NUBP1: variants seen among roughly 807,000 people sequenced by gnomAD.
NUBP1 encodes the protein NUBP iron-sulfur cluster assembly factor 1, cytosolic.
A neutral mutation model predicts 41.8 loss-of-function variants in NUBP1; 46 were observed. The ratio of observed to expected loss-of-function variants is 1.10; its 90% CI spans 0.87 to 1.41. NUBP1 has a LOEUF of 1.41. Ranked by LOEUF, NUBP1 falls within the 40% of genes most tolerant of loss-of-function variation. The pLI, the probability that NUBP1 is intolerant of heterozygous loss-of-function variation, is 0.00. For missense variants in NUBP1, 494 were observed against 414.0 expected, an observed-to-expected ratio of 1.19 and a Z score of -1.68; for synonymous variants, 189 against 154.6, an observed-to-expected ratio of 1.22 and a Z score of -1.65.
intron 2 of NUBP1, among the ~76,000 whole-genome samples, chr16:10,744,459 A>C (rs879437087): frequency 2.0e-5 from 3 of 152,238 alleles, no homozygotes; most frequent in Non-Finnish European, 4.4e-5. Flanking sequence ...TGGCTCTGCC[A>C]GCTACTTTCT....
intron 6 of NUBP1, 42 bp downstream of exon 6, chr16:10,756,822 G>C: frequency 6.6e-7 from 1 of 1,518,672 alleles, no homozygotes; most frequent in East Asian, 2.4e-5. Flanking sequence ...ATTCTTCCAC[G>C]AGCGTTGTGG....
chr16:10,769,292 A>C lies in NUBP1; in HGVS notation c.*187A>C. 1 of 566,908 alleles carries C rather than the reference A, an allele frequency of 1.8e-6. No individual in the cohort carries two copies. The highest frequency in any genetic ancestry group is 3.1e-6 in the Non-Finnish European group (1 of 319,284). The allele number at this position is 566,908 out of a possible 1,614,324, so 35.1% of individuals were successfully genotyped here. A position where few individuals can be genotyped will look rare whatever the true frequency, so the allele number is the denominator to read the frequency against. The stretch of plus-strand genomic sequence containing the variant: ...GTATTTGTACACTTTTCTTTAGAAC[A>C]TATATAAAGGGCATTCTCTACAAAT... On this transcript the variant is annotated 3_prime_UTR_variant, in exon 11 of 11. Transcript: ENST00000283027.
At chr16:10,748,092 A>G (rs1458123875) in intron 3 of NUBP1, among the ~76,000 whole-genome samples, 1 of 152,134 alleles carries the variant, frequency 6.6e-6, no homozygotes, top group African/African-American at 2.4e-5. Flanking sequence ...CTGGGACTAC[A>G]GGTGCTTGCC....
chr16:10,744,166 G>C, intron 2 of NUBP1, 101 bp downstream of exon 2: 1 of 1,174,144 alleles, frequency 8.5e-7, no homozygotes, highest in Non-Finnish European at 1.2e-6. Flanking sequence ...GACTGACAGC[G>C]GCAGGCTAGA....
In NUBP1 at chr16:10,768,062, A is replaced by G. The variant is rs1567271055; in HGVS notation, c.904+30A>G. The G allele has an allele frequency of 1.2e-6, 2 of 1,601,588 alleles. No individual in the cohort carries two copies. The highest frequency in any genetic ancestry group is 1.7e-6 in the Non-Finnish European group (2 of 1,169,142). ...GTATTTCCATGAGTACTAAATGCAG[A>G]TGCCTGTGGGGCAGGAAGCAACATA... On this transcript the variant is annotated intron_variant, in intron 10 of 10. Transcript: ENST00000283027. The surrounding 1 kb of genome is among the most constrained non-coding windows in gnomAD (Gnocchi z 4.3).
chr16:10,761,175 G>A (rs1900944045), intron 7 of NUBP1, 189 bp from the exon 8 acceptor site: 1 of 518,658 alleles, frequency 1.9e-6, no homozygotes, highest in East Asian at 3.5e-5. Flanking sequence ...CTGTAGGGAT[G>A]TAGGGATGAT....
chr16:10,762,022 C>T (rs1222666602), intron 9 of NUBP1, 163 bp downstream of exon 9: 10 of 581,976 alleles, frequency 1.7e-5, no homozygotes, highest in East Asian at 5.7e-5. Flanking sequence ...AAGAGGCCAC[C>T]GGGAGAGAGG....
At position 10,761,377 on chromosome 16, in the gene NUBP1, A is replaced by G; in HGVS notation, c.620A>G (p.Gln207Arg). Residue 207 changes from glutamine to arginine, a missense_variant, in exon 8 of 11, where the codon CAG (glutamine) becomes CGG (arginine). Physicochemically the swap from Gln to Arg is conservative, Grantham distance 43. Transcript: ENST00000283027. ...TCACCTTCGTAGGAGGTGTCACTCC[A>G]GGATGTCCGGAAAGAAATCAACTTC... ...IITTPQEVSLQDVRKEINFCR... is the reference protein window; with the variant it reads ...IITTPQEVSLRDVRKEINFCR... 6.2e-7 allele frequency: 1 copy of G among 1,613,988 alleles called. No individual in the cohort carries two copies. The highest frequency in any genetic ancestry group is 8.5e-7 in the Non-Finnish European group (1 of 1,179,896).
rs568375244 is a variant in NUBP1 at position 10,759,037 on chromosome 16, G to A, written c.606+1010G>A. On this transcript the variant is annotated intron_variant, in intron 7 of 10. Coordinates refer to ENST00000283027, the MANE Select transcript of NUBP1 (RefSeq NM_002484.4). This position sits in a 1 kb window ranked among gnomAD's most constrained non-coding sequence, Gnocchi z 4.7. ...GTTACGCCTGACTTCTCTTCATGAC[G>A]TTCTCCTCCACACTTAAGAAAGCCC... Among the ~76,000 whole-genome samples, 12 of 152,280 alleles carry A rather than the reference G, an allele frequency of 7.9e-5. No homozygotes were observed. In the South Asian group the frequency reaches 1.2e-3, roughly 16 times the overall value.
Position 10,759,419 on chromosome 16 carries a change from G to A in NUBP1, c.606+1392G>A, listed in dbSNP as rs567168212. ...GACAGGAGGGAGGATGGCCTGGCCC[G>A]GGTGATGGCAGTGGAGAGAAAGTGT... On this transcript the variant is annotated intron_variant, in intron 7 of 10. Coordinates refer to ENST00000283027, the MANE Select transcript of NUBP1 (RefSeq NM_002484.4). This position sits in a 1 kb window ranked among gnomAD's most constrained non-coding sequence, Gnocchi z 4.7. Among the ~76,000 whole-genome samples, 12 of 152,362 alleles carry A rather than the reference G, an allele frequency of 7.9e-5. No homozygotes were observed. The highest frequency in any genetic ancestry group is 2.1e-4 in the South Asian group (1 of 4,832).
chr16:10,759,233 T>A lies in NUBP1; in HGVS notation c.606+1206T>A, dbSNP rs1245078943. 6.6e-6 allele frequency among the ~76,000 whole-genome samples: 1 copy of A among 152,180 alleles called. No individual in the cohort carries two copies. The highest frequency in any genetic ancestry group is 2.4e-5 in the African/African-American group (1 of 41,426). On this transcript the variant is annotated intron_variant, in intron 7 of 10. Coordinates refer to ENST00000283027, the MANE Select transcript of NUBP1 (RefSeq NM_002484.4). This position sits in a 1 kb window ranked among gnomAD's most constrained non-coding sequence, Gnocchi z 4.7. ...GTGGCTCCCTGAGGAACACAGGTGC[T>A]GGACACAGGGATGAGGGTACAGCCA...
chr16:10,748,962 G>A (rs1330699745), intron 3 of NUBP1, among the ~76,000 whole-genome samples: 2 of 151,878 alleles, frequency 1.3e-5, no homozygotes, highest in African/African-American at 2.4e-5. Context: ...ATGGTGGTAC[G>A]TGCCTGTAGT....
Position 10,758,004 on chromosome 16 carries a change from G to T in NUBP1, c.583G>T (p.Ala195Ser). Reference protein sequence around the residue: ...RYLATAHIDGAVIITTPQEVS... With the variant: ...RYLATAHIDGSVIITTPQEVS... ...CCTGGCCACAGCACACATCGATGGAGCAGTGATCATCACCACTCCCCAGGT... is the reference window on the plus strand; with the variant it reads ...CCTGGCCACAGCACACATCGATGGATCAGTGATCATCACCACTCCCCAGGT... The change falls in exon 7 of 11, where the codon GCA becomes TCA. Residue 195 changes from alanine (A) to serine (S), a missense_variant. Ala to Ser is a moderately conservative substitution (Grantham distance 99, BLOSUM62 1). Transcript: ENST00000283027. The T allele has an allele frequency of 1.2e-6, 2 of 1,614,050 alleles. No individual in the cohort carries two copies. Among genetic ancestry groups the T allele is most frequent in the Non-Finnish European group, 1.7e-6 (2 of 1,179,996 alleles).
At position 10,756,765 on chromosome 16, in the gene NUBP1, G is replaced by A. The variant is rs745536283; in HGVS notation, c.436G>A (p.Gly146Arg). Residue 146 changes from glycine to arginine, a missense_variant, in exon 6 of 11, where the codon GGA (glycine) becomes AGA (arginine). Gly to Arg is a moderately radical substitution (Grantham distance 125, BLOSUM62 -2). Transcript: ENST00000283027. ...SSPDDAVIWRGPKKNGMIKQF... is the reference protein window; with the variant it reads ...SSPDDAVIWRRPKKNGMIKQF... Reference sequence around the variant, plus strand: ...TCCTGATGATGCTGTTATCTGGAGGGGACCCAAGAAAAACGGTTTGCCACT... The same window carrying A: ...TCCTGATGATGCTGTTATCTGGAGGAGACCCAAGAAAAACGGTTTGCCACT... 6.3e-7 allele frequency: 1 copy of A among 1,591,092 alleles called. No homozygotes were observed. Among genetic ancestry groups the A allele is most frequent in the Admixed American group, 1.8e-5 (1 of 55,380 alleles).
chr16:10,754,312 G>A (rs765206206), intron 4 of NUBP1, among the ~76,000 whole-genome samples: 5 of 151,722 alleles, frequency 3.3e-5, no homozygotes, highest in South Asian at 2.1e-4. Context: ...TCGCGATCTC[G>A]GCTCACCACA....
chr16:10,745,657 G>A (rs143967225), intron 2 of NUBP1, among the ~76,000 whole-genome samples: 28 of 152,322 alleles, frequency 1.8e-4, no homozygotes, highest in African/African-American at 6.5e-4. Flanking sequence ...AGGGGAAAAA[G>A]CATGCAGGAA....
chr16:10,750,117 G>A (rs970271704), intron 3 of NUBP1, among the ~76,000 whole-genome samples: 1 of 152,174 alleles, frequency 6.6e-6, no homozygotes, highest in Admixed American at 6.5e-5. Context: ...AGGATCACTT[G>A]AGCCTGGGAA....
At chr16:10,756,213 T>C (rs1340935868) in intron 5 of NUBP1, among the ~76,000 whole-genome samples, 1 of 152,072 alleles carries the variant, frequency 6.6e-6, no homozygotes, top group Non-Finnish European at 1.5e-5. Flanking sequence ...ATCCCATCTC[T>C]ACTAAAGATA....
intron 3 of NUBP1, among the ~76,000 whole-genome samples, chr16:10,751,250 C>G (rs1200347739): frequency 6.6e-6 from 1 of 152,126 alleles, no homozygotes; most frequent in African/African-American, 2.4e-5. Context: ...TCACTAGAAA[C>G]CTGAGAGTAT....
Sources: allele counts gnomAD v4.1 joint callset (sites outside exome capture counted in the v4.1 genomes callset), GRCh38; gene constraint gnomAD v4.1.1; non-coding constraint Gnocchi (gnomAD v3.1); transcripts MANE v1.5; gene names NCBI Gene and HGNC (gene_info 2026-07-23, HGNC 2026-07-21).